The following TSNAX variants were observed in gnomAD, a reference collection of about 807,000 sequenced individuals.
TSNAX encodes the protein translin-associated protein X.
In TSNAX, 12 loss-of-function variants were observed where a neutral mutation model predicts 33.0. The observed-to-expected ratio is 0.36, with a 90% confidence interval of 0.23 to 0.59. The LOEUF (loss-of-function observed/expected upper bound fraction) is 0.59, where lower values mean the gene tolerates loss of function less well. Among genes scored for constraint, TSNAX ranks in the 20% least tolerant of loss-of-function variants. The pLI is 0.74. For synonymous variants in TSNAX, 110 were observed against 117.2 expected, an observed-to-expected ratio of 0.94 and a Z score of 0.40; for missense variants, 267 against 341.3, an observed-to-expected ratio of 0.78 and a Z score of 1.72.
intron 4 of TSNAX, among the ~76,000 whole-genome samples, chr1:231,549,270 C>A (rs181979873): frequency 1.3e-5 from 2 of 152,052 alleles, no homozygotes; most frequent in Non-Finnish European, 2.9e-5. Context: ...GTGATGAAAC[C>A]CCATGTCTAT....
chr1:231,532,131 A>AACACACAAACACAC (rs1658768655), intron 2 of TSNAX, among the ~76,000 whole-genome samples: 1 of 85,150 alleles, frequency 1.2e-5, no homozygotes, highest in Non-Finnish European at 2.1e-5. Flanking sequence ...TAGTGGTAAT[A>AACACACAAACACAC]ACACACACAC....
intron 2 of TSNAX, chr1:231,536,281 T>C (rs892266933): frequency 2.5e-4 from 38 of 152,238 alleles, no homozygotes; most frequent in African/African-American, 9.2e-4. Context: ...AAATAATATT[T>C]CTGAAGTATA....
rs779814572 is a variant in TSNAX, at chr1:231,537,198, A to G, written c.122-15A>G. 2 of 1,565,590 alleles carry G rather than the reference A, an allele frequency of 1.3e-6. No homozygotes were observed. Among genetic ancestry groups the G allele is most frequent in the Non-Finnish European group, 1.8e-6 (2 of 1,140,672 alleles). On this transcript the variant is annotated splice_polypyrimidine_tract_variant and intron_variant, in intron 2 of 5. Coordinates refer to ENST00000366639, the MANE Select transcript of TSNAX (RefSeq NM_005999.3). ...GTATAGAATATACATGCTTATGATC[A>G]TAATGTGTTTTTAGCATTTCAGCAG...
chr1:231,550,273 G>C (rs759364662), intron 4 of TSNAX, among the ~76,000 whole-genome samples: 3 of 152,206 alleles, frequency 2.0e-5, no homozygotes, highest in Admixed American at 6.5e-5. Flanking sequence ...TAGAGGATGA[G>C]CTACAAATGT....
chr1:231,555,850 AT>A (rs1660657845), intron 4 of TSNAX, among the ~76,000 whole-genome samples: 1 of 152,174 alleles, frequency 6.6e-6, no homozygotes, highest in African/African-American at 2.4e-5. Flanking sequence ...GTAGATGTCC[AT>A]TTGTAGAATA....
rs572190233 is a variant in TSNAX at position 231,543,306 on chromosome 1, G to A, written c.367+695G>A. Among the ~76,000 whole-genome samples the A allele has an allele frequency of 6.6e-5, 10 of 150,938 alleles. No homozygotes were observed. The East Asian group carries it at 1.7e-3, about 26-fold the overall frequency. ...TTTTCTAATGTGGGTTCATTGATAG[G>A]ACAGATACTAGATAATTCAGATACA... On this transcript the variant is annotated intron_variant, in intron 4 of 5. Coordinates refer to ENST00000366639, the MANE Select transcript of TSNAX (RefSeq NM_005999.3).
At position 231,542,780 on chromosome 1, in the gene TSNAX, A is replaced by G. The variant is rs1406160481; in HGVS notation, c.367+169A>G. 4.1e-6 allele frequency: 3 copies of G among 723,112 alleles called. No homozygotes were observed. The African/African-American group carries it at 5.4e-5, about 13-fold the overall frequency. The allele number at this position is 723,112 out of a possible 1,614,324, so 44.8% of individuals were successfully genotyped here. A position where few individuals can be genotyped will look rare whatever the true frequency, so the allele number is the denominator to read the frequency against. ...AGTAATCCAAAGGCAAGTTGGCTTT[A>G]TGTTTTTTTTAACAGTGTAGTGATG... On this transcript the variant is annotated intron_variant, in intron 4 of 5. Coordinates refer to ENST00000366639, the MANE Select transcript of TSNAX (RefSeq NM_005999.3).
At chr1:231,559,338 G>GTTGTTGTTT (rs1201001827) in intron 4 of TSNAX, among the ~76,000 whole-genome samples, 30 of 151,924 alleles carry the variant, frequency 2.0e-4, no homozygotes, top group Middle Eastern at 3.4e-3. Context: ...TGTTGTTGTT[G>GTTGTTGTTT]TTGTTTTTGA....
At chr1:231,537,740 CAAA>C (rs541527416) in intron 3 of TSNAX, among the ~76,000 whole-genome samples, 26 of 66,236 alleles carry the variant, frequency 3.9e-4, no homozygotes, top group Admixed American at 3.5e-4. Context: ...GACCCTGTCT[CAAA>C]AAAAAAAAAA....
chr1:231,534,295 G>A (rs983682039), intron 2 of TSNAX: 10 of 152,294 alleles, frequency 6.6e-5, no homozygotes, highest in South Asian at 6.2e-4. Flanking sequence ...TTTGTTAAAC[G>A]TAATGCAGAG....
intron 3 of TSNAX, 42 bp downstream of exon 3, chr1:231,537,369 C>T (rs376935736): frequency 2.4e-6 from 3 of 1,272,094 alleles, no homozygotes; most frequent in South Asian, 1.3e-5. Flanking sequence ...TTGATACTAG[C>T]TATTAGAATA....
At chr1:231,555,613 ACTG>A (rs954846421) in intron 4 of TSNAX, among the ~76,000 whole-genome samples, 5 of 152,168 alleles carry the variant, frequency 3.3e-5, no homozygotes, top group African/African-American at 1.2e-4. Flanking sequence ...TAAAAATGAA[ACTG>A]CTAATTTTTA....
At position 231,528,910 on chromosome 1, in the gene TSNAX, C is replaced by T. The variant is rs920684831; in HGVS notation, c.16+84C>T. The T allele has an allele frequency of 3.2e-6, 5 of 1,561,150 alleles. No homozygotes were observed. In the African/African-American group the frequency reaches 6.8e-5, roughly 21 times the overall value. On this transcript the variant is annotated intron_variant, in intron 1 of 5. Coordinates refer to ENST00000366639, the MANE Select transcript of TSNAX (RefSeq NM_005999.3). ...TCTATGCAGTTTTCCCCTTTTCACC[C>T]TTGAAGGATGCCTTCGTCCCTTGTA... is the stretch of plus-strand genomic sequence containing the variant.
At chr1:231,529,423 C>A (rs1019038315) in intron 2 of TSNAX, 64 bp downstream of exon 2, 1 of 1,492,638 alleles carries the variant, frequency 6.7e-7, no homozygotes. Flanking sequence ...CATGGTTATG[C>A]GCAAGAAAAC....
rs889256780 is a variant in TSNAX, at chr1:231,564,431, A to G, written c.496-97A>G. ...GATTTGCTATTGATTTTGTACTTCT[A>G]TAATAAATGTGATACATGCTATATT... On this transcript the variant is annotated intron_variant, in intron 5 of 5. Transcript: ENST00000366639. 3.3e-5 allele frequency: 49 copies of G among 1,494,784 alleles called. No homozygotes were observed. The South Asian group carries it at 3.9e-4, about 12-fold the overall frequency. 92.6% of individuals were successfully genotyped at this position (1,494,784 alleles called of 1,614,324 possible).
intron 3 of TSNAX, among the ~76,000 whole-genome samples, chr1:231,538,766 AC>A (rs1359853219): frequency 6.6e-6 from 1 of 152,100 alleles, no homozygotes; most frequent in Non-Finnish European, 1.5e-5. Flanking sequence ...CCCCATCTCT[AC>A]AAAAAATACA....
rs983874632 is a variant in TSNAX at position 231,565,108 on chromosome 1, C to T, written c.*203C>T. On this transcript the variant is annotated 3_prime_UTR_variant, in exon 6 of 6. Transcript: ENST00000366639. The stretch of plus-strand genomic sequence containing the variant: ...TATCTTATTCATGAAAGTTTGCATA[C>T]AGATGTTTGCATATATGCCTTTTTG... 1.9e-5 allele frequency: 12 copies of T among 630,060 alleles called. No individual in the cohort carries two copies. Among genetic ancestry groups the T allele is most frequent in the East Asian group, 3.1e-5 (1 of 32,718 alleles). The allele number at this position is 630,060 out of a possible 1,614,324, so 39.0% of individuals were successfully genotyped here.
intron 4 of TSNAX, among the ~76,000 whole-genome samples, chr1:231,559,622 C>A (rs1660915666): frequency 6.6e-6 from 1 of 152,118 alleles, no homozygotes; most frequent in South Asian, 2.1e-4. Context: ...GCCACCGGCG[C>A]CCGGCCAGAA....
At chr1:231,534,606 A>C (rs1659035734) in intron 2 of TSNAX, 1 of 152,244 alleles carries the variant, frequency 6.6e-6, no homozygotes. Context: ...TAATAGCAGC[A>C]AAATAATAAG....
Sources: gnomAD v4.1 joint callset for allele counts (sites outside exome capture counted in the v4.1 genomes callset) on GRCh38, gnomAD v4.1.1 for gene constraint, MANE v1.5 for transcripts, NCBI Gene and HGNC (gene_info 2026-07-23, HGNC 2026-07-21) for gene names.